The following CPNE8 variants were observed in gnomAD, a reference collection of about 807,000 sequenced individuals.
CPNE8 encodes the protein copine-8.
CPNE8 carries 45 observed loss-of-function variants against 81.5 expected under a neutral mutation model. The observed-to-expected ratio is 0.55, with a 90% confidence interval of 0.44 to 0.71. The LOEUF (loss-of-function observed/expected upper bound fraction) is 0.71. CPNE8 is among the 30% of genes least tolerant of loss of function. The probability of loss-of-function intolerance (pLI) is 0.00; values close to 1 mark genes in which losing one functional copy is unlikely to be tolerated. For synonymous variants in CPNE8, 252 were observed against 226.3 expected (o/e 1.11, Z -1.02); for missense variants, 594 against 672.1 (o/e 0.88, Z 1.28).
In CPNE8 at chr12:38,867,345, A is replaced by T. The variant is rs979837087; in HGVS notation, c.186+5659T>A. 8.6e-3 allele frequency among the ~76,000 whole-genome samples: 1,241 copies of T among 143,568 alleles called. 16 individuals carry two copies. The highest frequency in any genetic ancestry group is 0.034 in the African/African-American group (1,167 of 34,480). 94.2% of individuals were successfully genotyped at this position (143,568 alleles called of 152,430 possible). A position where few individuals can be genotyped will look rare whatever the true frequency, so the allele number is the denominator to read the frequency against. On this transcript the variant is annotated intron_variant, in intron 3 of 19. Transcript: ENST00000331366. ...GTGTGTGTGTGTGTGTGTGTGAGAG[A>T]GAGAGAGAGAGAGAGAGAGAGAGAC...
intron 6 of CPNE8, among the ~76,000 whole-genome samples, chr12:38,787,879 C>T (rs1942231816): frequency 6.7e-6 from 1 of 150,086 alleles, no homozygotes; most frequent in African/African-American, 2.4e-5. Flanking sequence ...ATACAATCTA[C>T]CATGATTGAA....
intron 13 of CPNE8, 88 bp downstream of exon 13, chr12:38,723,684 T>C (rs1471351104): frequency 1.2e-6 from 1 of 806,266 alleles, no homozygotes; most frequent in Non-Finnish European, 2.2e-6. Flanking sequence ...AAGGTGATCA[T>C]TTCAGTGCCA....
intron 3 of CPNE8, among the ~76,000 whole-genome samples, chr12:38,852,416 T>G: frequency 8.9e-6 from 1 of 111,746 alleles, no homozygotes; most frequent in South Asian, 2.7e-4. Context: ...GGCAACAGAG[T>G]GAGCTCTGTC....
intron 6 of CPNE8, among the ~76,000 whole-genome samples, chr12:38,795,489 GATGA>G (rs143154173): frequency 0.022 from 3,350 of 152,216 alleles, 119 homozygotes; most frequent in African/African-American, 0.076. Flanking sequence ...TCTATCCACA[GATGA>G]ATGAATAAGC....
intron 4 of CPNE8, among the ~76,000 whole-genome samples, chr12:38,842,868 C>T (rs1053183944): frequency 1.3e-4 from 20 of 152,196 alleles, no homozygotes; most frequent in African/African-American, 3.4e-4. Flanking sequence ...CGTGAGCCAC[C>T]GTGCCTAGCC....
chr12:38,840,224 C>T (rs1169838430), intron 4 of CPNE8, among the ~76,000 whole-genome samples: 3 of 152,088 alleles, frequency 2.0e-5, no homozygotes, highest in Admixed American at 6.6e-5. Flanking sequence ...TAAGTTTAAA[C>T]TTTCTCTTTT....
chr12:38,827,512 A>C (rs549584534), intron 6 of CPNE8, among the ~76,000 whole-genome samples: 1 of 152,348 alleles, frequency 6.6e-6, no homozygotes, highest in South Asian at 2.1e-4. Context: ...CCATAAAGAC[A>C]TTCATGTTTA....
intron 6 of CPNE8, among the ~76,000 whole-genome samples, chr12:38,777,051 T>A (rs1181100458): frequency 1.3e-5 from 2 of 150,112 alleles, no homozygotes; most frequent in Non-Finnish European, 3.0e-5. Flanking sequence ...CAAAGCTAAC[T>A]GTAAAAACAG....
intron 2 of CPNE8, among the ~76,000 whole-genome samples, chr12:38,873,982 G>A (rs1392584946): frequency 6.7e-6 from 1 of 150,046 alleles, no homozygotes; most frequent in African/African-American, 2.5e-5. Flanking sequence ...TAAGAGACGG[G>A]GTTGGGTGGG....
chr12:38,865,403 G>A (rs1943899449), intron 3 of CPNE8, among the ~76,000 whole-genome samples: 1 of 152,278 alleles, frequency 6.6e-6, no homozygotes, highest in East Asian at 1.9e-4. Context: ...AAGTAGAATG[G>A]ATAAGTAAAT....
chr12:38,761,967 C>T, intron 9 of CPNE8, 145 bp downstream of exon 9: 1 of 451,336 alleles, frequency 2.2e-6, no homozygotes, highest in East Asian at 3.5e-5. Context: ...AGCAAATATG[C>T]AACGTATTTT....
intron 6 of CPNE8, among the ~76,000 whole-genome samples, chr12:38,818,323 C>T (rs1327040983): frequency 6.6e-6 from 1 of 152,060 alleles, no homozygotes; most frequent in Admixed American, 6.5e-5. Flanking sequence ...GTGTGATGTT[C>T]CCCTCCCTGT....
chr12:38,846,955 A>G (rs1943568084), intron 4 of CPNE8, among the ~76,000 whole-genome samples: 1 of 152,282 alleles, frequency 6.6e-6, no homozygotes, highest in South Asian at 2.1e-4. Flanking sequence ...AATGTGGTAT[A>G]TGCATATTTT....
At chr12:38,809,909 A>T (rs1942898708) in intron 6 of CPNE8, among the ~76,000 whole-genome samples, 1 of 152,212 alleles carries the variant, frequency 6.6e-6, no homozygotes, top group Non-Finnish European at 1.5e-5. Context: ...TATACATTCC[A>T]GTTCAAACAG....
At chr12:38,817,614 C>CTTTTT (rs869168296) in intron 6 of CPNE8, among the ~76,000 whole-genome samples, 1,355 of 90,572 alleles carry the variant, frequency 0.015, 11 homozygotes, top group Non-Finnish European at 0.019. Context: ...TTAATTTATT[C>CTTTTT]TTTTTTTTTT....
chr12:38,719,795 CTG>C (rs1940509253), intron 13 of CPNE8, among the ~76,000 whole-genome samples: 1 of 152,010 alleles, frequency 6.6e-6, no homozygotes, highest in Non-Finnish European at 1.5e-5. Flanking sequence ...AAATGTATAA[CTG>C]TAATATATTT....
At chr12:38,711,350 T>G (rs1337551608) in intron 13 of CPNE8, among the ~76,000 whole-genome samples, 1 of 152,180 alleles carries the variant, frequency 6.6e-6, no homozygotes, top group African/African-American at 2.4e-5. Flanking sequence ...CTGAAGAGTT[T>G]CCTTTGACTT....
chr12:38,739,572 G>A (rs1189735016), intron 10 of CPNE8, among the ~76,000 whole-genome samples: 1 of 152,068 alleles, frequency 6.6e-6, no homozygotes, highest in African/African-American at 2.4e-5. Flanking sequence ...ATAATGTCTG[G>A]CTGTTGGTTC....
At chr12:38,728,717 G>C (rs1161918697) in intron 11 of CPNE8, among the ~76,000 whole-genome samples, 1 of 152,094 alleles carries the variant, frequency 6.6e-6, no homozygotes, top group Non-Finnish European at 1.5e-5. Context: ...AGAACTAATG[G>C]CTGGAAATTT....
Sources: gnomAD v4.1 joint callset for allele counts (sites outside exome capture counted in the v4.1 genomes callset) on GRCh38, gnomAD v4.1.1 for gene constraint, MANE v1.5 for transcripts, NCBI Gene and HGNC (gene_info 2026-07-23, HGNC 2026-07-21) for gene names.